Variants in ARHGAP39 observed in about 807,000 individuals in gnomAD.
ARHGAP39 encodes the protein rho GTPase-activating protein 39.
A neutral mutation model predicts 106.9 loss-of-function variants in ARHGAP39; 44 were observed. The observed-to-expected ratio is 0.41, with a 90% CI of 0.32 to 0.53. The LOEUF is 0.53. Among genes scored for constraint, ARHGAP39 ranks in the 20% least tolerant of loss-of-function variants. ARHGAP39 has a pLI of 0.21. For missense variants in ARHGAP39, 1,496 were observed against 1,577.3 expected (o/e 0.95, Z 0.87); for synonymous variants, 768 against 693.2 (o/e 1.11, Z -1.69).
chr8:144,535,811 G>A (rs577340773), intron 7 of ARHGAP39, among the ~76,000 whole-genome samples: 1 of 152,336 alleles, frequency 6.6e-6, no homozygotes, highest in African/African-American at 2.4e-5. Context: ...TGATCATAAT[G>A]CAGTCTCTCT....
chr8:144,697,712 G>T, the ARHGAP39 span, among the ~76,000 whole-genome samples: 12 of 151,972 alleles, frequency 7.9e-5, no homozygotes, highest in African/African-American at 2.9e-4. Flanking sequence ...GGCTGGTCTC[G>T]AACTCCTGAC....
chr8:144,603,461 C>T (rs1010713764), intron 2 of ARHGAP39, among the ~76,000 whole-genome samples: 1 of 152,022 alleles, frequency 6.6e-6, no homozygotes, highest in African/African-American at 2.4e-5. Flanking sequence ...GAGGCCGAGG[C>T]GGGCAGATCA....
upstream of ARHGAP39, among the ~76,000 whole-genome samples, chr8:144,687,639 T>C (rs377685473): frequency 5.9e-5 from 2 of 33,840 alleles, no homozygotes; most frequent in Non-Finnish European, 1.1e-4. Context: ...ACACTGGCGG[T>C]GAGCACTTCC....
chr8:144,601,095 GGTGT>G (rs765441190), intron 2 of ARHGAP39, among the ~76,000 whole-genome samples: 1 of 139,814 alleles, frequency 7.2e-6, no homozygotes, highest in Non-Finnish European at 1.5e-5. Flanking sequence ...TGTGCGTGGA[GGTGT>G]GTGTGACCTC....
At chr8:144,576,530 T>C (rs1333522642) in intron 3 of ARHGAP39, among the ~76,000 whole-genome samples, 1 of 152,134 alleles carries the variant, frequency 6.6e-6, no homozygotes, top group Non-Finnish European at 1.5e-5. Context: ...CCACGGCCTC[T>C]CTGGGGAAGA....
At chr8:144,619,640 G>GTGTGTCCGTGCATGAGCC (rs1563711555) in intron 1 of ARHGAP39, among the ~76,000 whole-genome samples, 1 of 150,136 alleles carries the variant, frequency 6.7e-6, no homozygotes, top group Non-Finnish European at 1.5e-5. Flanking sequence ...GTCCAAGAGC[G>GTGTGTCCGTGCATGAGCC]TGTGTCCGTG....
At position 144,603,760 on chromosome 8, in the gene ARHGAP39, C is replaced by T. The variant is rs553350213; in HGVS notation, c.80+1775G>A. Among the ~76,000 whole-genome samples the T allele has an allele frequency of 3.3e-5, 5 of 151,654 alleles. No individual in the cohort carries two copies. The South Asian group carries it at 1.0e-3, about 32-fold the overall frequency. On this transcript the variant is annotated intron_variant, in intron 2 of 11. Coordinates refer to ENST00000377307, the MANE Select transcript of ARHGAP39 (RefSeq NM_025251.3). ...GCAGTAGCACTGAATGTTCTAAGAA[C>T]CCAGACCTTGTTCTGTAAGACCAGT... is the stretch of plus-strand genomic sequence containing the variant.
intron 1 of ARHGAP39, among the ~76,000 whole-genome samples, chr8:144,635,255 TG>T (rs1258998531): frequency 6.6e-6 from 1 of 152,176 alleles, no homozygotes. Context: ...GCACTCCCCA[TG>T]GGGGGAGGCG....
At position 144,670,181 on chromosome 8, in the gene ARHGAP39, G is replaced by A. The variant is rs949644133; in HGVS notation, c.-82+15505C>T. ...GCAGGATCAGGGCCTGGGACCAGGC[G>A]GCTGTAAAAAGCAACAGAGCTCGGA... On this transcript the variant is annotated intron_variant, in intron 1 of 11. Transcript: ENST00000377307. This position sits in a 1 kb window ranked among gnomAD's most constrained non-coding sequence, Gnocchi z 4.4. Among the ~76,000 whole-genome samples, 2 of 151,422 alleles carry A rather than the reference G, an allele frequency of 1.3e-5. No individual in the cohort carries two copies. Among genetic ancestry groups the A allele is most frequent in the Non-Finnish European group, 1.5e-5 (1 of 67,920 alleles).
At chr8:144,624,546 A>G (rs1820892030) in intron 1 of ARHGAP39, among the ~76,000 whole-genome samples, 1 of 152,210 alleles carries the variant, frequency 6.6e-6, no homozygotes, top group South Asian at 2.1e-4. Flanking sequence ...AAACCGCAGC[A>G]TCCCCCGTCC....
At chr8:144,600,276 G>T in intron 2 of ARHGAP39, among the ~76,000 whole-genome samples, 1 of 149,660 alleles carries the variant, frequency 6.7e-6, no homozygotes, top group East Asian at 2.0e-4. Context: ...GTGTCTGTGT[G>T]CTCCTGTACC....
chr8:144,686,184 C>T (rs938345468), upstream of ARHGAP39, among the ~76,000 whole-genome samples: 3 of 152,122 alleles, frequency 2.0e-5, no homozygotes, highest in Non-Finnish European at 4.4e-5. Flanking sequence ...GTTGGGCTTC[C>T]CGAGTCTGAG....
intron 4 of ARHGAP39, among the ~76,000 whole-genome samples, chr8:144,552,224 G>C (rs1454208924): frequency 1.3e-5 from 2 of 152,236 alleles, no homozygotes; most frequent in African/African-American, 2.4e-5. Context: ...AGGGCCCTGA[G>C]GGCTGCTTCT....
chr8:144,657,281 G>A (rs996743701), intron 1 of ARHGAP39, among the ~76,000 whole-genome samples: 1 of 151,758 alleles, frequency 6.6e-6, no homozygotes, highest in Admixed American at 6.6e-5. Flanking sequence ...AAAAGAAAAA[G>A]AAAACAGAAA....
At chr8:144,698,888 TG>T in the ARHGAP39 span, 11 of 455,514 alleles carry the variant, frequency 2.4e-5, no homozygotes, top group African/African-American at 1.2e-4. Context: ...ACCCCTCCCT[TG>T]GGGGGGTTGG....
chr8:144,548,540 G>A lies in ARHGAP39; in HGVS notation c.597-51C>T. The A allele has an allele frequency of 6.3e-7, 1 of 1,575,704 alleles. No homozygotes were observed. Among genetic ancestry groups the A allele is most frequent in the Non-Finnish European group, 8.6e-7 (1 of 1,164,556 alleles). ...GTGACTGCCTGCCTGCTGCTTCTGG[G>A]CACGCCCCACCCCCTCGGGGGCTGT... is the stretch of plus-strand genomic sequence containing the variant. On this transcript the variant is annotated intron_variant, in intron 4 of 11. Transcript: ENST00000377307. This position sits in a 1 kb window ranked among gnomAD's most constrained non-coding sequence, Gnocchi z 7.4.
chr8:144,653,687 G>C (rs1386020593), intron 1 of ARHGAP39, among the ~76,000 whole-genome samples: 1 of 151,750 alleles, frequency 6.6e-6, no homozygotes, highest in East Asian at 2.0e-4. Flanking sequence ...GGGAGCCACA[G>C]CTCGGGTCAT....
At chr8:144,575,922 G>T (rs1818756189) in intron 3 of ARHGAP39, among the ~76,000 whole-genome samples, 1 of 152,148 alleles carries the variant, frequency 6.6e-6, no homozygotes, top group Non-Finnish European at 1.5e-5. Context: ...TAATCTATGA[G>T]ACCACTCTCA....
At chr8:144,648,532 C>G (rs1297755707) in intron 1 of ARHGAP39, among the ~76,000 whole-genome samples, 1 of 152,206 alleles carries the variant, frequency 6.6e-6, no homozygotes, top group Non-Finnish European at 1.5e-5. Flanking sequence ...AGGGCGATAT[C>G]AGATATTGGA....
Sources: allele counts gnomAD v4.1 joint callset (sites outside exome capture counted in the v4.1 genomes callset), GRCh38; gene constraint gnomAD v4.1.1; non-coding constraint Gnocchi (gnomAD v3.1); transcripts MANE v1.5; gene names NCBI Gene and HGNC (gene_info 2026-07-23, HGNC 2026-07-21).